ROBO1: variants seen among roughly 807,000 people sequenced by gnomAD.
ROBO1 encodes the protein roundabout homolog 1.
ROBO1 carries 149 observed loss-of-function variants against 195.9 expected under a neutral mutation model. The ratio of observed to expected loss-of-function variants is 0.76; its 90% CI spans 0.67 to 0.87. ROBO1 has a LOEUF of 0.87. Among genes scored for constraint, ROBO1 ranks in the 40% least tolerant of loss-of-function variants. ROBO1 has a pLI of 0.00. For missense variants in ROBO1, 1,933 were observed against 2,068.3 expected, an observed-to-expected ratio of 0.93 and a Z score of 1.27; for synonymous variants, 816 against 733.2, an observed-to-expected ratio of 1.11 and a Z score of -1.82.
chr3:79,764,632 C>T (rs967058367), intron 1 of ROBO1, among the ~76,000 whole-genome samples: 7 of 152,172 alleles, frequency 4.6e-5, no homozygotes, highest in Non-Finnish European at 1.0e-4. Context: ...TACATTAAAT[C>T]TTGCTTAAAT....
chr3:79,530,755 C>CCACA (rs59568172), intron 2 of ROBO1, among the ~76,000 whole-genome samples: 4,086 of 128,192 alleles, frequency 0.032, 86 homozygotes, highest in Admixed American at 0.046. Flanking sequence ...CACCTTGTAA[C>CCACA]CACACACACA....
At chr3:79,173,184 C>A (rs1401983918) in intron 2 of ROBO1, among the ~76,000 whole-genome samples, 2 of 152,044 alleles carry the variant, frequency 1.3e-5, no homozygotes, top group Non-Finnish European at 2.9e-5. Context: ...TGGCAGCCCT[C>A]ACAGCCCTCA....
At chr3:78,938,428 G>C (rs993166988) in intron 4 of ROBO1, 173 bp downstream of exon 4, 1 of 575,842 alleles carries the variant, frequency 1.7e-6, no homozygotes, top group Non-Finnish European at 3.0e-6. Context: ...TGAATAACAA[G>C]TTAGGATGAG....
At chr3:79,144,034 TC>T (rs952412617) in intron 2 of ROBO1, among the ~76,000 whole-genome samples, 3 of 152,082 alleles carry the variant, frequency 2.0e-5, no homozygotes, top group African/African-American at 7.2e-5. Flanking sequence ...AAGAGTTCAT[TC>T]CTTTTTATTG....
intron 1 of ROBO1, among the ~76,000 whole-genome samples, chr3:79,754,918 T>A (rs912637718): frequency 6.6e-6 from 1 of 152,220 alleles, no homozygotes; most frequent in South Asian, 2.1e-4. Context: ...TTCACTCTTG[T>A]TGCGCAGGCT....
At chr3:79,499,414 T>G (rs1246560459) in intron 2 of ROBO1, among the ~76,000 whole-genome samples, 6 of 152,214 alleles carry the variant, frequency 3.9e-5, no homozygotes, top group Non-Finnish European at 8.8e-5. Flanking sequence ...AAACTAAAGC[T>G]AAATGAGCTA....
chr3:78,802,700 C>A (rs548021114), intron 4 of ROBO1, among the ~76,000 whole-genome samples: 1 of 129,918 alleles, frequency 7.7e-6, no homozygotes, highest in Admixed American at 8.4e-5. Flanking sequence ...AAGGAGCCTG[C>A]GGTCTAGCAT....
intron 2 of ROBO1, among the ~76,000 whole-genome samples, chr3:79,500,835 T>A (rs1206030479): frequency 3.3e-5 from 5 of 152,182 alleles, no homozygotes; most frequent in Non-Finnish European, 5.9e-5. Flanking sequence ...CCGTATGCAT[T>A]TTAGCAAGGG....
Position 79,260,653 on chromosome 3 carries a change from T to C in ROBO1, c.89-135114A>G, listed in dbSNP as rs116415386. 3.7e-3 allele frequency among the ~76,000 whole-genome samples: 562 copies of C among 152,242 alleles called. 5 individuals carry two copies. The highest frequency in any genetic ancestry group is 0.013 in the African/African-American group (522 of 41,568). ...GAGTTTTAAAGAAAGTCTCACAACA[T>C]TGAATCAGACAGCAGAGCTGTTCAA... On this transcript the variant is annotated intron_variant, in intron 2 of 30. Transcript: ENST00000464233.
chr3:79,520,416 G>C (rs1420039573), intron 2 of ROBO1, among the ~76,000 whole-genome samples: 3 of 152,104 alleles, frequency 2.0e-5, no homozygotes, highest in Non-Finnish European at 4.4e-5. Flanking sequence ...CAAATTTTCT[G>C]GCCTCAGTAG....
chr3:78,882,485 A>G (rs376877346), intron 4 of ROBO1, among the ~76,000 whole-genome samples: 8 of 152,258 alleles, frequency 5.3e-5, no homozygotes, highest in Middle Eastern at 3.4e-3. Flanking sequence ...TCAAAATACA[A>G]CAAGCTGTTT....
At chr3:78,720,952 G>GT (rs901358678) in intron 5 of ROBO1, among the ~76,000 whole-genome samples, 4 of 147,138 alleles carry the variant, frequency 2.7e-5, no homozygotes, top group East Asian at 2.0e-4. Flanking sequence ...TGTGGGGTTG[G>GT]GGGGGGGGCG....
chr3:79,055,181 T>C (rs2078781091), intron 3 of ROBO1, among the ~76,000 whole-genome samples: 3 of 152,130 alleles, frequency 2.0e-5, no homozygotes, highest in African/African-American at 7.2e-5. Context: ...CTGATTCCAC[T>C]GATGAGATTA....
Position 78,644,820 on chromosome 3 carries a change from C to T in ROBO1, c.2882+1328G>A, listed in dbSNP as rs1025954604. On this transcript the variant is annotated intron_variant, in intron 21 of 30. Coordinates refer to ENST00000464233, the MANE Select transcript of ROBO1 (RefSeq NM_002941.4). ...TGTGATACTTGTGTACACACACCCA[C>T]GCACAGAGGCTAGTGAAGAACATAT... 3.9e-5 allele frequency among the ~76,000 whole-genome samples: 6 copies of T among 152,172 alleles called. No homozygotes were observed. In the East Asian group the frequency reaches 5.8e-4, roughly 15 times the overall value.
At position 79,019,265 on chromosome 3, in the gene ROBO1, G is replaced by C. The variant is rs776295845; in HGVS notation, c.173-80338C>G. The C allele has an allele frequency of 7.1e-6, 7 of 985,760 alleles. No homozygotes were observed. In the East Asian group the frequency reaches 6.8e-4, roughly 96 times the overall value. 61.1% of individuals were successfully genotyped at this position (985,760 alleles called of 1,614,324 possible). On this transcript the variant is annotated intron_variant, in intron 3 of 30. Coordinates refer to ENST00000464233, the MANE Select transcript of ROBO1 (RefSeq NM_002941.4). ...AACTACGCAGAAGCCCAAACTTCCTGGGGGCAGCTGCCTGCACCCCTGGCT... is the reference window on the plus strand; with the variant it reads ...AACTACGCAGAAGCCCAAACTTCCTCGGGGCAGCTGCCTGCACCCCTGGCT...
At chr3:79,255,397 C>T (rs183638633) in intron 2 of ROBO1, among the ~76,000 whole-genome samples, 3 of 152,096 alleles carry the variant, frequency 2.0e-5, no homozygotes, top group Admixed American at 1.3e-4. Context: ...ATAAGTTTCT[C>T]CCACATCACT....
chr3:79,154,893 A>G (rs1343270217), intron 2 of ROBO1, among the ~76,000 whole-genome samples: 1 of 151,790 alleles, frequency 6.6e-6, no homozygotes, highest in Non-Finnish European at 1.5e-5. Context: ...CAATCAGTTT[A>G]TTTAGCACAA....
At chr3:79,133,336 T>C (rs1249971621) in intron 2 of ROBO1, among the ~76,000 whole-genome samples, 7 of 117,276 alleles carry the variant, frequency 6.0e-5, no homozygotes, top group African/African-American at 2.0e-4. Context: ...AGATGTAGAT[T>C]TGGTCTTTTC....
chr3:79,666,690 C>T (rs1946485149), intron 1 of ROBO1, among the ~76,000 whole-genome samples: 1 of 151,768 alleles, frequency 6.6e-6, no homozygotes, highest in South Asian at 2.1e-4. Flanking sequence ...TGTGAGGCCT[C>T]CCCAGCCACG....
Sources: gnomAD v4.1 joint callset for allele counts (sites outside exome capture counted in the v4.1 genomes callset) on GRCh38, gnomAD v4.1.1 for gene constraint, MANE v1.5 for transcripts, NCBI Gene and HGNC (gene_info 2026-07-23, HGNC 2026-07-21) for gene names.